The following CADM2 variants were observed in gnomAD, a reference collection of about 807,000 sequenced individuals.
CADM2 encodes cell adhesion molecule 2.
Under a neutral mutation model 49.8 loss-of-function variants are expected in CADM2, and 12 were observed. That is an observed-to-expected ratio of 0.24 (90% CI 0.15 to 0.39). CADM2 has a LOEUF of 0.39. Among genes scored for constraint, CADM2 ranks in the 10% least tolerant of loss-of-function variants. The pLI is 1.00. For missense variants in CADM2, 378 were observed against 492.3 expected (o/e 0.77, Z 2.20); for synonymous variants, 214 against 175.4 (o/e 1.22, Z -1.74).
chr3:85,843,146 A>T (rs971028381), intron 3 of CADM2, among the ~76,000 whole-genome samples: 4 of 152,152 alleles, frequency 2.6e-5, no homozygotes, highest in Non-Finnish European at 5.9e-5. Flanking sequence ...TCTTTTGAAA[A>T]ATGCATTTTG....
At chr3:85,759,688 GA>G (rs1449919947) in intron 2 of CADM2, among the ~76,000 whole-genome samples, 10 of 152,082 alleles carry the variant, frequency 6.6e-5, no homozygotes, top group African/African-American at 2.4e-4. Flanking sequence ...CTAGCTGCAA[GA>G]GATTCTGGAA....
At chr3:85,951,224 G>A (rs1723387018) in intron 7 of CADM2, among the ~76,000 whole-genome samples, 1 of 151,050 alleles carries the variant, frequency 6.6e-6, no homozygotes, top group Non-Finnish European at 1.5e-5. Context: ...AAACAAAAGA[G>A]TAGAGGCCAA....
chr3:85,326,669 G>T (rs374223090), intron 1 of CADM2, among the ~76,000 whole-genome samples: 2 of 152,104 alleles, frequency 1.3e-5, no homozygotes, highest in African/African-American at 4.8e-5. Context: ...ATTTTCAATT[G>T]TAAAAGTCTA....
chr3:85,186,190 T>A (rs2041058593), intron 1 of CADM2, among the ~76,000 whole-genome samples: 1 of 152,178 alleles, frequency 6.6e-6, no homozygotes, highest in African/African-American at 2.4e-5. Context: ...ATTATGAACG[T>A]TATTTTCTTT....
intron 6 of CADM2, among the ~76,000 whole-genome samples, chr3:85,917,438 T>A (rs1718506740): frequency 6.6e-6 from 1 of 152,296 alleles, no homozygotes; most frequent in East Asian, 1.9e-4. Context: ...CCTTCCCCAT[T>A]TCTTCTTTTT....
intron 8 of CADM2, among the ~76,000 whole-genome samples, chr3:86,044,906 T>G (rs146807531): frequency 0.034 from 5,198 of 152,076 alleles, 174 homozygotes; most frequent in African/African-American, 0.083. Flanking sequence ...CATGTCCTTT[T>G]TAGGGACATG....
At chr3:85,421,870 C>T (rs574017471) in intron 1 of CADM2, among the ~76,000 whole-genome samples, 33 of 152,296 alleles carry the variant, frequency 2.2e-4, no homozygotes, top group Non-Finnish European at 3.7e-4. Context: ...AGTATCAAAA[C>T]GAACATTCGT....
chr3:85,210,613 C>T lies in CADM2; in HGVS notation c.61+250945C>T, dbSNP rs143329712. Among the ~76,000 whole-genome samples, 11 of 152,194 alleles carry T rather than the reference C, an allele frequency of 7.2e-5. No homozygotes were observed. In the East Asian group the frequency reaches 2.1e-3, roughly 29 times the overall value. On this transcript the variant is annotated intron_variant, in intron 1 of 9. Coordinates refer to ENST00000383699, the MANE Select transcript of CADM2 (RefSeq NM_001167675.2). ...TTGGAGTGCAGTGGTGCAATCATGG[C>T]TCACTGCATCTTCTGCCTCCCAGGC...
intron 3 of CADM2, among the ~76,000 whole-genome samples, chr3:85,875,624 G>A (rs1711720569): frequency 6.6e-6 from 1 of 152,150 alleles, no homozygotes; most frequent in Admixed American, 6.6e-5. Context: ...CTTGGGGGAA[G>A]TAGAGATTTC....
intron 1 of CADM2, among the ~76,000 whole-genome samples, chr3:85,049,575 C>T (rs2035804166): frequency 6.6e-6 from 1 of 151,978 alleles, no homozygotes. Flanking sequence ...TGGTCTCAAA[C>T]TCCTGACCTC....
At chr3:85,082,152 G>A (rs1239913355) in intron 1 of CADM2, among the ~76,000 whole-genome samples, 1 of 152,058 alleles carries the variant, frequency 6.6e-6, no homozygotes, top group African/African-American at 2.4e-5. Flanking sequence ...CTGTCATTTG[G>A]CAGATATTTG....
At chr3:85,999,498 C>CT (rs1407209456) in intron 8 of CADM2, among the ~76,000 whole-genome samples, 2 of 140,132 alleles carry the variant, frequency 1.4e-5, no homozygotes, top group Non-Finnish European at 3.0e-5. Context: ...AAGCTAGACT[C>CT]TGTCAAAAAA....
intron 1 of CADM2, among the ~76,000 whole-genome samples, chr3:85,411,187 A>C (rs946559130): frequency 2.0e-5 from 3 of 152,144 alleles, no homozygotes; most frequent in Non-Finnish European, 2.9e-5. Flanking sequence ...TAGAGTGAAA[A>C]AGCAATATGA....
chr3:85,015,672 T>C (rs182106206), intron 1 of CADM2, among the ~76,000 whole-genome samples: 2 of 152,268 alleles, frequency 1.3e-5, no homozygotes, highest in Admixed American at 1.3e-4. Flanking sequence ...GTAAGATAAT[T>C]GTCAAAAGGG....
chr3:85,340,212 G>A (rs2107189262), intron 1 of CADM2, among the ~76,000 whole-genome samples: 1 of 151,512 alleles, frequency 6.6e-6, no homozygotes, highest in East Asian at 1.9e-4. Flanking sequence ...ATATAGCTTA[G>A]GAAATATTGA....
intron 1 of CADM2, among the ~76,000 whole-genome samples, chr3:85,674,244 C>T (rs73143376): frequency 0.026 from 3,915 of 152,176 alleles, 121 homozygotes; most frequent in African/African-American, 0.063. Context: ...CATATGTGAT[C>T]AATATGATAA....
chr3:85,898,861 T>C (rs1392276888), intron 5 of CADM2, among the ~76,000 whole-genome samples: 1 of 147,852 alleles, frequency 6.8e-6, no homozygotes, highest in African/African-American at 2.5e-5. Context: ...ATGGTAGCCA[T>C]ATATTTAATT....
At chr3:85,057,238 A>C (rs2036115191) in intron 1 of CADM2, among the ~76,000 whole-genome samples, 1 of 152,166 alleles carries the variant, frequency 6.6e-6, no homozygotes, top group African/African-American at 2.4e-5. Context: ...GCCGTGAAAA[A>C]ATACATAAAC....
In CADM2 at chr3:84,991,974, C is replaced by T. The variant is rs79150494; in HGVS notation, c.61+32306C>T. Among the ~76,000 whole-genome samples, 12 of 152,186 alleles carry T rather than the reference C, an allele frequency of 7.9e-5. No homozygotes were observed. In the East Asian group the frequency reaches 2.1e-3, roughly 27 times the overall value. ...AACCATGGAGACAGTAAAAAGTTCC[C>T]TGGTTACTAGGTGTTAGGGAAGAGA... On this transcript the variant is annotated intron_variant, in intron 1 of 9. Transcript: ENST00000383699.
Sources: allele counts gnomAD v4.1 joint callset (sites outside exome capture counted in the v4.1 genomes callset), GRCh38; gene constraint gnomAD v4.1.1; transcripts MANE v1.5; gene names NCBI Gene and HGNC (gene_info 2026-07-23, HGNC 2026-07-21).